The following MYLK4 variants were observed in gnomAD, a reference collection of about 807,000 sequenced individuals.
The protein encoded by MYLK4 is myosin light chain kinase family member 4, also known as caMLCK like.
A neutral mutation model predicts 48.1 loss-of-function variants in MYLK4; 46 were observed. The observed-to-expected ratio is 0.96, with a 90% confidence interval of 0.75 to 1.22. The LOEUF (loss-of-function observed/expected upper bound fraction) is 1.22. MYLK4 is among the 50% of genes most tolerant of loss of function. The probability of loss-of-function intolerance (pLI) is 0.00; values close to 1 mark genes in which losing one functional copy is unlikely to be tolerated. For missense variants in MYLK4, 451 were observed against 486.1 expected, an observed-to-expected ratio of 0.93 and a Z score of 0.68; for synonymous variants, 170 against 180.8, an observed-to-expected ratio of 0.94 and a Z score of 0.48.
chr6:2,689,525 G>GT (rs1279977324), intron 3 of MYLK4, among the ~76,000 whole-genome samples: 1 of 152,162 alleles, frequency 6.6e-6, no homozygotes, highest in Non-Finnish European at 1.5e-5. Flanking sequence ...ATAAAACCAG[G>GT]TAAGTGTGTA....
In MYLK4 at chr6:2,689,619, C is replaced by A. The variant is rs192680453; in HGVS notation, c.236-663G>T. Among the ~76,000 whole-genome samples the A allele has an allele frequency of 8.7e-4, 133 of 152,344 alleles. 1 individual carries two copies. Among genetic ancestry groups the A allele is most frequent in the Admixed American group, 3.0e-3 (46 of 15,300 alleles). ...TCGTCCACATCAGCACCAGCTCTAACATACAGAATTACTCAGGGATATTCC... is the reference window on the plus strand; with the variant it reads ...TCGTCCACATCAGCACCAGCTCTAAAATACAGAATTACTCAGGGATATTCC... On this transcript the variant is annotated intron_variant, in intron 3 of 12. Coordinates refer to ENST00000274643, the MANE Select transcript of MYLK4 (RefSeq NM_001012418.5).
the MYLK4 span, chr6:2,768,961 TAG>T: frequency 7.1e-7 from 1 of 1,399,278 alleles, no homozygotes; most frequent in Non-Finnish European, 9.7e-7. Context: ...ATACAAACGC[TAG>T]AGACTTACGA....
chr6:2,713,311 C>T (rs762166762), intron 2 of MYLK4, among the ~76,000 whole-genome samples: 2 of 151,030 alleles, frequency 1.3e-5, no homozygotes, highest in East Asian at 1.9e-4. Context: ...CAGAGATTGC[C>T]GTGAGCCAAG....
At chr6:2,705,450 C>A (rs1762450243) in intron 2 of MYLK4, among the ~76,000 whole-genome samples, 1 of 152,182 alleles carries the variant, frequency 6.6e-6, no homozygotes, top group Non-Finnish European at 1.5e-5. Context: ...GTTTGTAACA[C>A]ATGCCCCTCC....
intron 2 of MYLK4, among the ~76,000 whole-genome samples, chr6:2,728,754 C>T (rs187347457): frequency 1.7e-4 from 26 of 152,350 alleles, no homozygotes; most frequent in African/African-American, 6.3e-4. Context: ...ACATTTACAT[C>T]TGCTTTGACT....
chr6:2,766,417 C>G, the MYLK4 span: 8 of 1,592,410 alleles, frequency 5.0e-6, no homozygotes, highest in Admixed American at 1.4e-4. Flanking sequence ...CCTCGCTTAT[C>G]CTGTGGGGGC....
intron 2 of MYLK4, among the ~76,000 whole-genome samples, chr6:2,704,805 A>G (rs1762427909): frequency 6.6e-6 from 1 of 152,244 alleles, no homozygotes; most frequent in South Asian, 2.1e-4. Flanking sequence ...CCCAACATCA[A>G]ATCAAGTGCT....
intron 2 of MYLK4, among the ~76,000 whole-genome samples, chr6:2,693,536 T>G (rs1761895258): frequency 6.6e-6 from 1 of 152,196 alleles, no homozygotes; most frequent in Non-Finnish European, 1.5e-5. Context: ...AGCAAACCGT[T>G]AGCTAATGTA....
intron 2 of MYLK4, among the ~76,000 whole-genome samples, chr6:2,710,436 C>A (rs1418219415): frequency 6.6e-6 from 1 of 152,146 alleles, no homozygotes; most frequent in Non-Finnish European, 1.5e-5. Context: ...CATCAGGTCT[C>A]CCAGACAGTA....
chr6:2,739,407 T>C (rs1307489947), intron 2 of MYLK4, among the ~76,000 whole-genome samples: 1 of 152,206 alleles, frequency 6.6e-6, no homozygotes, highest in Non-Finnish European at 1.5e-5. Flanking sequence ...TCAGTTTCTC[T>C]TCAGAGAAGG....
intron 2 of MYLK4, among the ~76,000 whole-genome samples, chr6:2,704,666 G>A (rs902473443): frequency 1.3e-5 from 2 of 152,316 alleles, no homozygotes; most frequent in African/African-American, 4.8e-5. Context: ...AATGAGGTTA[G>A]AGTTAGGGAT....
At chr6:2,715,342 C>A (rs771277904) in intron 2 of MYLK4, among the ~76,000 whole-genome samples, 15 of 151,668 alleles carry the variant, frequency 9.9e-5, no homozygotes, top group Admixed American at 2.0e-4. Context: ...ACGGGCTGCA[C>A]GACAATGTGA....
intron 12 of MYLK4, among the ~76,000 whole-genome samples, chr6:2,669,954 A>G (rs945179534): frequency 1.3e-5 from 2 of 152,240 alleles, no homozygotes; most frequent in African/African-American, 2.4e-5. Flanking sequence ...ACTATGAGGT[A>G]CTGATTCATT....
chr6:2,698,793 G>A (rs1214394324), intron 2 of MYLK4, among the ~76,000 whole-genome samples: 2 of 152,162 alleles, frequency 1.3e-5, no homozygotes, highest in African/African-American at 2.4e-5. Context: ...TTCAACCTCA[G>A]CACACACTCA....
chr6:2,717,446 C>T (rs1762908304), intron 2 of MYLK4, among the ~76,000 whole-genome samples: 1 of 152,200 alleles, frequency 6.6e-6, no homozygotes, highest in Non-Finnish European at 1.5e-5. Flanking sequence ...GCTTCTGGGG[C>T]CAGGGAACGT....
the MYLK4 span, among the ~76,000 whole-genome samples, chr6:2,769,521 T>G: frequency 6.6e-6 from 1 of 152,198 alleles, no homozygotes; most frequent in Non-Finnish European, 1.5e-5. Flanking sequence ...TTTGTAACTT[T>G]TTAATCATAC....
At chr6:2,763,785 A>AGAGC in the MYLK4 span, among the ~76,000 whole-genome samples, 1 of 152,144 alleles carries the variant, frequency 6.6e-6, no homozygotes, top group African/African-American at 2.4e-5. Context: ...GGAGGCGCTG[A>AGAGC]GAGCGAGCGA....
At chr6:2,760,501 T>C in the MYLK4 span, among the ~76,000 whole-genome samples, 1 of 152,206 alleles carries the variant, frequency 6.6e-6, no homozygotes, top group African/African-American at 2.4e-5. Context: ...TTCTAGCCCC[T>C]GAGATTGAGC....
chr6:2,767,798 C>T, the MYLK4 span, among the ~76,000 whole-genome samples: 25 of 152,254 alleles, frequency 1.6e-4, no homozygotes, highest in Admixed American at 7.8e-4. Flanking sequence ...TTTGGGTGGT[C>T]CAGGCTGCTC....
Sources: allele counts gnomAD v4.1 joint callset (sites outside exome capture counted in the v4.1 genomes callset), GRCh38; gene constraint gnomAD v4.1.1; transcripts MANE v1.5; gene names NCBI Gene and HGNC (gene_info 2026-07-23, HGNC 2026-07-21).